The following TENM2 variants were observed in gnomAD, a reference collection of about 807,000 sequenced individuals.
TENM2 encodes the protein teneurin transmembrane protein 2, also known as teneurin-2.
Under a neutral mutation model 245.2 loss-of-function variants are expected in TENM2, and 52 were observed. The ratio of observed to expected loss-of-function variants is 0.21; its 90% CI spans 0.17 to 0.27. The LOEUF is 0.27. Ranked by LOEUF, TENM2 falls within the 10% of genes least tolerant of loss-of-function variation. The pLI, the probability that TENM2 is intolerant of heterozygous loss-of-function variation, is 1.00. For synonymous variants in TENM2, 1,363 were observed against 1,438.9 expected (o/e 0.95, Z 1.19); for missense variants, 3,046 against 3,666.8 (o/e 0.83, Z 4.37).
intron 2 of TENM2, among the ~76,000 whole-genome samples, chr5:167,528,671 C>T (rs1562029376): frequency 6.6e-6 from 1 of 152,130 alleles, no homozygotes; most frequent in African/African-American, 2.4e-5. Flanking sequence ...ATCCACCATA[C>T]ACTGTACGGT....
intron 2 of TENM2, among the ~76,000 whole-genome samples, chr5:167,590,664 C>T (rs1221546109): frequency 1.3e-5 from 2 of 151,896 alleles, no homozygotes; most frequent in Non-Finnish European, 2.9e-5. Flanking sequence ...TGGTGCCATG[C>T]CTCAGTAGTA....
At chr5:167,567,576 A>G (rs987509261) in intron 2 of TENM2, among the ~76,000 whole-genome samples, 1 of 152,156 alleles carries the variant, frequency 6.6e-6, no homozygotes, top group Admixed American at 6.5e-5. Flanking sequence ...CGATTGGGGG[A>G]AAACGATATG....
chr5:167,291,905 G>A (rs1479132390), intron 1 of TENM2, among the ~76,000 whole-genome samples: 19 of 152,124 alleles, frequency 1.2e-4, no homozygotes, highest in Non-Finnish European at 8.8e-5. Flanking sequence ...CCTGAGACTG[G>A]GTAATTTATA....
At chr5:167,662,682 A>G (rs1456681023) in intron 2 of TENM2, among the ~76,000 whole-genome samples, 1 of 152,224 alleles carries the variant, frequency 6.6e-6, no homozygotes, top group African/African-American at 2.4e-5. Flanking sequence ...ACATTTAACA[A>G]ATGTTTTGTT....
chr5:168,155,132 C>G (rs1173412565), intron 12 of TENM2, among the ~76,000 whole-genome samples: 1 of 152,160 alleles, frequency 6.6e-6, no homozygotes, highest in East Asian at 1.9e-4. Context: ...TGGAGATTTT[C>G]CCCAGAGCAC....
intron 2 of TENM2, among the ~76,000 whole-genome samples, chr5:167,571,793 G>C (rs1448960285): frequency 6.6e-6 from 1 of 152,144 alleles, no homozygotes; most frequent in Admixed American, 6.5e-5. Context: ...TTGTAACTGG[G>C]TCTTTATTTT....
Position 167,449,890 on chromosome 5 carries a change from G to C in TENM2, c.502+74417G>C, listed in dbSNP as rs574936218. On this transcript the variant is annotated intron_variant, in intron 2 of 28. Coordinates refer to ENST00000518659, the Ensembl canonical transcript of TENM2. ...GGAGAATCGCTTGAACCTGCGAGGC[G>C]GAGGTTGCAGTGAGCTGAGATCCCG... 2.1e-4 allele frequency among the ~76,000 whole-genome samples: 32 copies of C among 152,232 alleles called. No individual in the cohort carries two copies. In the South Asian group the frequency reaches 6.4e-3, roughly 31 times the overall value.
intron 2 of TENM2, among the ~76,000 whole-genome samples, chr5:167,859,417 C>G (rs879503312): frequency 2.0e-4 from 17 of 85,936 alleles, no homozygotes; most frequent in South Asian, 4.7e-4. Context: ...CCGCCCCGTC[C>G]GGGAGGTGAG....
At chr5:167,524,873 G>A (rs1443640505) in intron 2 of TENM2, among the ~76,000 whole-genome samples, 1 of 151,548 alleles carries the variant, frequency 6.6e-6, no homozygotes, top group African/African-American at 2.4e-5. Context: ...AGAAATGCCA[G>A]TTCTCTCTAT....
chr5:168,004,560 A>T (rs1237179900), intron 5 of TENM2, among the ~76,000 whole-genome samples: 1 of 132,704 alleles, frequency 7.5e-6, no homozygotes, highest in Non-Finnish European at 1.6e-5. Context: ...CACACACACC[A>T]CTATCCCCGC....
At chr5:167,462,888 T>C (rs1766409245) in intron 2 of TENM2, among the ~76,000 whole-genome samples, 1 of 152,062 alleles carries the variant, frequency 6.6e-6, no homozygotes, top group South Asian at 2.1e-4. Flanking sequence ...AACCGCCTTC[T>C]TCTACCAAGT....
Position 167,949,455 on chromosome 5 carries a change from GC to G in TENM2, c.713-3132del, listed in dbSNP as rs750797478. Among the ~76,000 whole-genome samples the G allele has an allele frequency of 4.5e-4, 69 of 152,128 alleles. 1 individual carries two copies. Among genetic ancestry groups the G allele is most frequent in the Admixed American group, 6.5e-4 (10 of 15,272 alleles). ...CTACTCAAATCTGGGGTCCCTGAGA[GC>G]TGCAGTTATGTCTTATCCATCCTTT... is the stretch of plus-strand genomic sequence containing the variant. On this transcript the variant is annotated intron_variant, in intron 3 of 28. Coordinates refer to ENST00000518659, the Ensembl canonical transcript of TENM2.
chr5:168,231,384 C>T (rs938592306), intron 25 of TENM2, among the ~76,000 whole-genome samples: 3 of 152,142 alleles, frequency 2.0e-5, no homozygotes, highest in South Asian at 4.1e-4. Context: ...CAAAGAATGT[C>T]GCCAGTGGAA....
the TENM2 span, among the ~76,000 whole-genome samples, chr5:167,226,117 T>C: frequency 0.21 from 32,194 of 151,868 alleles, 4,090 homozygotes; most frequent in African/African-American, 0.36. Flanking sequence ...TTCACTTTTT[T>C]GATCATTTGT....
chr5:167,861,263 G>T (rs531033938), intron 2 of TENM2, among the ~76,000 whole-genome samples: 1 of 152,118 alleles, frequency 6.6e-6, no homozygotes, highest in African/African-American at 2.4e-5. Flanking sequence ...AGGGTTGTAG[G>T]GGGTGGAAGG....
rs188163093 is a variant in TENM2, at chr5:167,757,322, A to G, written c.503-118664A>G. Among the ~76,000 whole-genome samples the G allele has an allele frequency of 9.0e-4, 132 of 146,842 alleles. 1 individual carries two copies. The Middle Eastern group carries it at 0.011, about 12-fold the overall frequency. Reference sequence around the variant, plus strand: ...TGTTCTCATTGTTCAACTCCCACTTATGAGTGAGAACATGCAGTGTTTGGT... The same window carrying G: ...TGTTCTCATTGTTCAACTCCCACTTGTGAGTGAGAACATGCAGTGTTTGGT... On this transcript the variant is annotated intron_variant, in intron 2 of 28. Coordinates refer to ENST00000518659, the Ensembl canonical transcript of TENM2.
chr5:167,580,858 G>A (rs1418158895), intron 2 of TENM2, among the ~76,000 whole-genome samples: 3 of 152,152 alleles, frequency 2.0e-5, no homozygotes, highest in Non-Finnish European at 2.9e-5. Flanking sequence ...GCGTGGTGGC[G>A]CAAGCTTGTA....
chr5:167,354,944 C>T (rs1759210032), intron 1 of TENM2, among the ~76,000 whole-genome samples: 1 of 152,170 alleles, frequency 6.6e-6, no homozygotes, highest in African/African-American at 2.4e-5. Context: ...AGTACAGGCT[C>T]TCTAAATGAC....
At chr5:167,189,146 G>T in the TENM2 span, among the ~76,000 whole-genome samples, 1 of 152,128 alleles carries the variant, frequency 6.6e-6, no homozygotes, top group East Asian at 1.9e-4. Flanking sequence ...AGATGGAAGT[G>T]ACAATACAGT....
Sources: allele counts gnomAD v4.1 joint callset (sites outside exome capture counted in the v4.1 genomes callset), GRCh38; gene constraint gnomAD v4.1.1; transcripts MANE v1.5; gene names NCBI Gene and HGNC (gene_info 2026-07-23, HGNC 2026-07-21).